Variants in NRG1 observed in about 807,000 individuals in gnomAD.
NRG1 encodes pro-neuregulin-1, membrane-bound isoform.
In NRG1, 18 loss-of-function variants were observed where a neutral mutation model predicts 63.8. The ratio of observed to expected loss-of-function variants is 0.28; its 90% CI spans 0.19 to 0.42. NRG1 has a LOEUF of 0.42. NRG1 is among the 10% of genes least tolerant of loss of function. The pLI is 1.00. For missense variants in NRG1, 762 were observed against 814.7 expected (o/e 0.94, Z 0.79); for synonymous variants, 302 against 301.3 (o/e 1.00, Z -0.02).
intron 1 of NRG1, among the ~76,000 whole-genome samples, chr8:32,111,175 G>A (rs553933104): frequency 5.3e-5 from 8 of 151,914 alleles, no homozygotes; most frequent in African/African-American, 1.9e-4. Flanking sequence ...GGAGTGCCGC[G>A]GTGTGCTCTT....
intron 1 of NRG1, among the ~76,000 whole-genome samples, chr8:32,182,393 T>C (rs1245309076): frequency 6.6e-6 from 1 of 152,120 alleles, no homozygotes; most frequent in African/African-American, 2.4e-5. Context: ...ATTACAGGCA[T>C]GCGCCACCAT....
chr8:32,555,737 C>T (rs1835044397), intron 1 of NRG1, among the ~76,000 whole-genome samples: 1 of 152,200 alleles, frequency 6.6e-6, no homozygotes, highest in Admixed American at 6.5e-5. Flanking sequence ...TCCCAAAGTG[C>T]TGGGATTACA....
intron 3 of NRG1, among the ~76,000 whole-genome samples, chr8:32,612,930 C>T (rs1846626938): frequency 6.6e-6 from 1 of 151,990 alleles, no homozygotes; most frequent in Non-Finnish European, 1.5e-5. Flanking sequence ...AGGACACACA[C>T]TTTGTATCTC....
chr8:31,751,456 A>G (rs747034065), intron 1 of NRG1, among the ~76,000 whole-genome samples: 8 of 151,984 alleles, frequency 5.3e-5, no homozygotes, highest in South Asian at 2.1e-4. Context: ...TAAGGCAAAC[A>G]TGGCTGAAGG....
At chr8:31,892,582 A>G (rs1015344089) in intron 1 of NRG1, among the ~76,000 whole-genome samples, 1 of 152,168 alleles carries the variant, frequency 6.6e-6, no homozygotes. Flanking sequence ...TAATAAAATT[A>G]TTAAAATAGC....
chr8:32,446,384 A>T (rs1273078840), intron 1 of NRG1, among the ~76,000 whole-genome samples: 1 of 152,096 alleles, frequency 6.6e-6, no homozygotes, highest in African/African-American at 2.4e-5. Flanking sequence ...ACTAGGCACG[A>T]TGGCTCATGC....
chr8:32,314,480 G>A (rs569627719), intron 1 of NRG1, among the ~76,000 whole-genome samples: 4 of 152,104 alleles, frequency 2.6e-5, no homozygotes, highest in Non-Finnish European at 4.4e-5. Context: ...TACCCTCCTC[G>A]GTTGGCTCCA....
In NRG1 at chr8:32,541,584, C is replaced by T. The variant is rs1832579613; in HGVS notation, c.38-54244C>T. Among the ~76,000 whole-genome samples, 4 of 151,026 alleles carry T rather than the reference C, an allele frequency of 2.6e-5. No individual in the cohort carries two copies. The South Asian group carries it at 8.4e-4, about 32-fold the overall frequency. On this transcript the variant is annotated intron_variant, in intron 1 of 10. Coordinates refer to the NRG1 transcript ENST00000519301. ...TGAAGTACTAATTCATCACTCATGACATTCAATTTATATTTTAACATCATT... is the reference window on the plus strand; with the variant it reads ...TGAAGTACTAATTCATCACTCATGATATTCAATTTATATTTTAACATCATT...
At chr8:32,481,879 C>T (rs996010284) in intron 1 of NRG1, among the ~76,000 whole-genome samples, 1 of 152,142 alleles carries the variant, frequency 6.6e-6, no homozygotes, top group African/African-American at 2.4e-5. Flanking sequence ...AAGTAGAATA[C>T]AGGAATAAGG....
intron 5 of NRG1, among the ~76,000 whole-genome samples, chr8:32,714,695 T>G (rs1335133891): frequency 6.6e-6 from 1 of 152,170 alleles, no homozygotes; most frequent in Non-Finnish European, 1.5e-5. Flanking sequence ...TAAAAATCAG[T>G]CTTTCAGTCA....
chr8:32,670,131 T>G (rs1431622198), intron 5 of NRG1, among the ~76,000 whole-genome samples: 1 of 152,202 alleles, frequency 6.6e-6, no homozygotes, highest in Non-Finnish European at 1.5e-5. Flanking sequence ...TCACTTTTAA[T>G]TAAAACATAT....
At chr8:32,199,727 ATT>A (rs1241113549) in intron 1 of NRG1, among the ~76,000 whole-genome samples, 1 of 152,144 alleles carries the variant, frequency 6.6e-6, no homozygotes, top group East Asian at 1.9e-4. Flanking sequence ...CTACTTAGAT[ATT>A]CTTTTATTAC....
At chr8:32,256,019 A>T (rs898754056) in intron 1 of NRG1, among the ~76,000 whole-genome samples, 1 of 152,110 alleles carries the variant, frequency 6.6e-6, no homozygotes, top group Non-Finnish European at 1.5e-5. Flanking sequence ...ATACTTGTGT[A>T]TGCTTCGCAA....
At chr8:32,278,329 A>G (rs1852331354) in intron 1 of NRG1, among the ~76,000 whole-genome samples, 1 of 152,158 alleles carries the variant, frequency 6.6e-6, no homozygotes, top group Non-Finnish European at 1.5e-5. Context: ...GGGGGGAAAA[A>G]AAGTTGAGAA....
At chr8:31,978,651 G>C (rs1404408896) in intron 1 of NRG1, among the ~76,000 whole-genome samples, 1 of 152,000 alleles carries the variant, frequency 6.6e-6, no homozygotes, top group Admixed American at 6.6e-5. Context: ...AGTCATAGTG[G>C]ATATTTCCCT....
At chr8:32,376,356 T>A (rs527602705) in intron 1 of NRG1, among the ~76,000 whole-genome samples, 1 of 152,274 alleles carries the variant, frequency 6.6e-6, no homozygotes, top group African/African-American at 2.4e-5. Context: ...ACTCTTTTTT[T>A]CTTTGGGGAG....
chr8:32,215,344 A>C (rs1265031982), intron 1 of NRG1, among the ~76,000 whole-genome samples: 1 of 152,184 alleles, frequency 6.6e-6, no homozygotes, highest in African/African-American at 2.4e-5. Flanking sequence ...TGGAGTGATA[A>C]TCACCTGTTC....
At chr8:32,078,122 C>T (rs115891032) in intron 1 of NRG1, among the ~76,000 whole-genome samples, 3,416 of 152,210 alleles carry the variant, frequency 0.022, 72 homozygotes, top group South Asian at 0.083. Context: ...ATATTTGTCC[C>T]CTCCAAATCT....
At chr8:32,386,319 G>A (rs1811021427) in intron 1 of NRG1, among the ~76,000 whole-genome samples, 1 of 152,318 alleles carries the variant, frequency 6.6e-6, no homozygotes. Flanking sequence ...TTTATGCAAA[G>A]AGGAAAACTA....
Sources: gnomAD v4.1 joint callset for allele counts (sites outside exome capture counted in the v4.1 genomes callset) on GRCh38, gnomAD v4.1.1 for gene constraint, MANE v1.5 for transcripts, NCBI Gene and HGNC (gene_info 2026-07-23, HGNC 2026-07-21) for gene names.